The following DDX60 variants were observed in gnomAD, a reference collection of about 807,000 sequenced individuals.
DDX60 encodes the protein DExD/H-box helicase 60.
In DDX60, 165 loss-of-function variants were observed where a neutral mutation model predicts 212.8. The observed-to-expected ratio is 0.78, with a 90% CI of 0.68 to 0.88. DDX60 has a LOEUF of 0.88. Among genes scored for constraint, DDX60 ranks in the 40% least tolerant of loss-of-function variants. DDX60 has a pLI of 0.00. For missense variants in DDX60, 1,905 were observed against 2,003.9 expected, an observed-to-expected ratio of 0.95 and a Z score of 0.94; for synonymous variants, 703 against 685.3, an observed-to-expected ratio of 1.03 and a Z score of -0.40.
In DDX60 at chr4:168,284,833, C is replaced by A. The variant is rs1277723571; in HGVS notation, c.1548G>T (p.Arg516Ser). The A allele has an allele frequency of 1.3e-6, 2 of 1,542,680 alleles. No homozygotes were observed. The highest frequency in any genetic ancestry group is 3.6e-5 in the Admixed American group (2 of 56,132). ...KPLSDDYDRS[R>S]CQFDEKSRDP... ...CACAGAGCTTACCATCAAACTGACACCTGGACCTGTCATAATCATCACTCA... is the reference window on the plus strand; with the variant it reads ...CACAGAGCTTACCATCAAACTGACAACTGGACCTGTCATAATCATCACTCA... Residue 516 changes from arginine (R) to serine (S), a missense_variant, in exon 12 of 38, where the codon AGG becomes AGT. Physicochemically the swap from Arg to Ser is moderately radical, Grantham distance 110 (BLOSUM62 -1). Coordinates refer to ENST00000393743, the MANE Select transcript of DDX60 (RefSeq NM_017631.6).
intron 6 of DDX60, among the ~76,000 whole-genome samples, chr4:168,298,172 TA>T (rs1171708537): frequency 2.0e-5 from 3 of 151,684 alleles, no homozygotes; most frequent in Non-Finnish European, 2.9e-5. Context: ...ATTGTTTAAA[TA>T]AAATAACAAA....
chr4:168,248,112 T>C, intron 29 of DDX60, 76 bp downstream of exon 29: 1 of 928,486 alleles, frequency 1.1e-6, no homozygotes, highest in Non-Finnish European at 1.6e-6. Context: ...GTTTGTAAAC[T>C]AAAGGTTCAC....
chr4:168,306,317 G>C, intron 5 of DDX60, 62 bp downstream of exon 5: 3 of 1,293,624 alleles, frequency 2.3e-6, no homozygotes, highest in Non-Finnish European at 3.2e-6. Flanking sequence ...AAAAAACTGA[G>C]TCAAGTAACT....
rs1736970846 is a variant in DDX60 at position 168,308,147 on chromosome 4, A to C, written c.123T>G (p.Ile41Met). The C allele has an allele frequency of 6.3e-7, 1 of 1,595,204 alleles. No individual in the cohort carries two copies. The highest frequency in any genetic ancestry group is 1.3e-5 in the African/African-American group (1 of 74,274). ...NDFVESEFFL[I>M]DGDSLLITCI... Reference sequence around the variant, plus strand: ...ATGTGATAAGTAATGAATCCCCATCAATCAAAAAAAATTCAGATTCAACAA... The same window carrying C: ...ATGTGATAAGTAATGAATCCCCATCCATCAAAAAAAATTCAGATTCAACAA... The change falls in exon 4 of 38, where the codon ATT (isoleucine) becomes ATG (methionine). Residue 41 changes from isoleucine (I) to methionine (M), a missense_variant. Physicochemically the swap from Ile to Met is conservative, Grantham distance 10 (BLOSUM62 1). Coordinates refer to ENST00000393743, the MANE Select transcript of DDX60 (RefSeq NM_017631.6).
chr4:168,282,266 G>A (rs1241089126), intron 13 of DDX60, among the ~76,000 whole-genome samples: 2 of 152,108 alleles, frequency 1.3e-5, no homozygotes, highest in African/African-American at 2.4e-5. Context: ...ACCTTTTAGA[G>A]TAATTTGTGA....
chr4:168,263,896 T>C (rs762768291), intron 22 of DDX60, among the ~76,000 whole-genome samples: 5 of 152,226 alleles, frequency 3.3e-5, no homozygotes, highest in African/African-American at 9.6e-5. Flanking sequence ...AGAAATGATA[T>C]ATATTGTATC....
chr4:168,318,143 C>T (rs1737483560), intron 1 of DDX60, among the ~76,000 whole-genome samples: 1 of 152,152 alleles, frequency 6.6e-6, no homozygotes, highest in South Asian at 2.1e-4. Flanking sequence ...TTGTCTTAAG[C>T]CACTGAAATT....
intron 22 of DDX60, among the ~76,000 whole-genome samples, chr4:168,267,269 G>A (rs1450739454): frequency 1.3e-5 from 2 of 152,160 alleles, no homozygotes; most frequent in African/African-American, 4.8e-5. Flanking sequence ...CAGAGGGGTA[G>A]ACAGACAGAC....
chr4:168,312,002 G>T (rs997711892), intron 1 of DDX60, among the ~76,000 whole-genome samples: 6 of 152,178 alleles, frequency 3.9e-5, no homozygotes, highest in Non-Finnish European at 8.8e-5. Flanking sequence ...CTGTGCAGGA[G>T]AGTAATGATG....
intron 27 of DDX60, among the ~76,000 whole-genome samples, chr4:168,251,668 C>T (rs554133352): frequency 7.0e-4 from 106 of 152,122 alleles, no homozygotes; most frequent in African/African-American, 2.4e-3. Flanking sequence ...GTGGTTACTT[C>T]AATTATGTAT....
At position 168,266,671 on chromosome 4, in the gene DDX60, T is replaced by A. The variant is rs150491999; in HGVS notation, c.3039+911A>T. Among the ~76,000 whole-genome samples, 27 of 152,274 alleles carry A rather than the reference T, an allele frequency of 1.8e-4. No individual in the cohort carries two copies. In the East Asian group the frequency reaches 3.9e-3, roughly 22 times the overall value. The stretch of plus-strand genomic sequence containing the variant: ...TGCCAGGTAAGATATCCCCAGTGAA[T>A]GAATGGAAAGGAGATTGGGGCCAGG... On this transcript the variant is annotated intron_variant, in intron 22 of 37. Transcript: ENST00000393743.
At chr4:168,250,883 T>C (rs955641097) in intron 28 of DDX60, 71 bp downstream of exon 28, 10 of 1,326,184 alleles carry the variant, frequency 7.5e-6, no homozygotes, top group African/African-American at 1.5e-5. Flanking sequence ...GGTTGTATTC[T>C]TTACTTTTCC....
intron 5 of DDX60, among the ~76,000 whole-genome samples, chr4:168,303,585 C>T (rs1285412278): frequency 2.6e-5 from 4 of 152,204 alleles, no homozygotes; most frequent in African/African-American, 7.2e-5. Context: ...AAAATTTCTA[C>T]TGCCTAGTGA....
chr4:168,268,949 T>C lies in DDX60; in HGVS notation c.2691A>G (p.Glu897=), dbSNP rs757696651. 1.9e-5 allele frequency: 30 copies of C among 1,586,964 alleles called. No individual in the cohort carries two copies. The East Asian group carries it at 6.1e-4, about 32-fold the overall frequency. ...IFDEVHCLGG[E]IGAEIWEHLL... ...GATGTTCCCAGATTTCTGCTCCAAT[T>C]TCTCCACCAAGACAATGAACCTATT... The change falls in exon 20 of 38, where the codon GAA becomes GAG. Residue 897 remains glutamate, a synonymous_variant. Coordinates refer to ENST00000393743, the MANE Select transcript of DDX60 (RefSeq NM_017631.6).
At chr4:168,248,376 C>G (rs1225276557) in intron 28 of DDX60, 84 bp from the exon 29 acceptor site, 3 of 981,388 alleles carry the variant, frequency 3.1e-6, no homozygotes, top group African/African-American at 3.4e-5. Flanking sequence ...TGCTGAAAAA[C>G]TCTTTGAGCT....
chr4:168,250,195 T>C (rs529295020), intron 28 of DDX60, among the ~76,000 whole-genome samples: 28 of 152,294 alleles, frequency 1.8e-4, no homozygotes, highest in African/African-American at 6.7e-4. Flanking sequence ...TATTTCATGG[T>C]AGAAAAATTT....
chr4:168,270,827 T>A (rs549805743), intron 19 of DDX60, among the ~76,000 whole-genome samples: 11 of 152,074 alleles, frequency 7.2e-5, no homozygotes, highest in South Asian at 6.2e-4. Context: ...CTTTCTATCA[T>A]GTTTTAAATC....
upstream of DDX60, among the ~76,000 whole-genome samples, chr4:168,319,432 G>GA (rs1737546825): frequency 6.6e-6 from 1 of 151,982 alleles, no homozygotes; most frequent in African/African-American, 2.4e-5. Context: ...TATGCAAAAA[G>GA]AAAAAAGAAA....
chr4:168,252,388 T>C (rs1482132634), intron 27 of DDX60, 121 bp downstream of exon 27: 1 of 1,197,740 alleles, frequency 8.3e-7, no homozygotes, highest in African/African-American at 1.6e-5. Flanking sequence ...TCTCTTTTGG[T>C]AGGGATTGTA....
Sources: allele counts gnomAD v4.1 joint callset (sites outside exome capture counted in the v4.1 genomes callset), GRCh38; gene constraint gnomAD v4.1.1; transcripts MANE v1.5; gene names NCBI Gene and HGNC (gene_info 2026-07-23, HGNC 2026-07-21).